DMD: variants seen among roughly 807,000 people sequenced by gnomAD.
DMD encodes the protein mutant dystrophin.
DMD carries 63 observed loss-of-function variants against 330.1 expected under a neutral mutation model. The observed-to-expected ratio is 0.19, with a 90% CI of 0.16 to 0.24. The LOEUF (loss-of-function observed/expected upper bound fraction) is 0.24, where lower values mean the gene tolerates loss of function less well. Ranked by LOEUF, DMD falls within the 10% of genes least tolerant of loss-of-function variation. DMD has a pLI of 1.00. For missense variants in DMD, 3,344 were observed against 2,684.1 expected, an observed-to-expected ratio of 1.25 and a Z score of -5.43; for synonymous variants, 1,223 against 959.8, an observed-to-expected ratio of 1.27 and a Z score of -5.07.
At chrX:33,106,923 A>G (rs898463612) in intron 1 of DMD, among the ~76,000 whole-genome samples, 1 of 112,372 alleles carries the variant, frequency 8.9e-6, no homozygotes, top group South Asian at 3.6e-4. Flanking sequence ...TTCCATTTAC[A>G]GAAGCAAGTG....
intron 2 of DMD, among the ~76,000 whole-genome samples, chrX:33,002,531 A>T (rs1476073510): frequency 9.1e-6 from 1 of 109,980 alleles, no homozygotes; most frequent in African/African-American, 3.3e-5. Flanking sequence ...GTTACATAGG[A>T]CACTCTCCTG....
chrX:33,153,099 A>C (rs2048353201), intron 1 of DMD, among the ~76,000 whole-genome samples: 2 of 112,823 alleles, frequency 1.8e-5, no homozygotes, highest in Non-Finnish European at 3.7e-5. Flanking sequence ...TTTATATTTC[A>C]GAGAAAAAAT....
At chrX:32,508,969 C>A (rs1017718499) in intron 18 of DMD, among the ~76,000 whole-genome samples, 2 of 109,481 alleles carry the variant, frequency 1.8e-5, no homozygotes, top group African/African-American at 6.7e-5. Flanking sequence ...CGCAACCATG[C>A]CCGGCTAATT....
intron 2 of DMD, among the ~76,000 whole-genome samples, chrX:32,916,672 A>T (rs1218199730): frequency 8.9e-6 from 1 of 111,858 alleles, no homozygotes; most frequent in Non-Finnish European, 1.9e-5. Context: ...ATAATTGGCT[A>T]AAGTTTAAAA....
At chrX:31,284,582 T>C (rs1348649181) in intron 62 of DMD, among the ~76,000 whole-genome samples, 1 of 95,955 alleles carries the variant, frequency 1.0e-5, no homozygotes, top group African/African-American at 4.1e-5. Context: ...CTTCTTCTTC[T>C]TCTTCTTCTT....
chrX:33,178,490 A>C (rs1375452939), intron 1 of DMD, among the ~76,000 whole-genome samples: 1 of 112,083 alleles, frequency 8.9e-6, no homozygotes, highest in Non-Finnish European at 1.9e-5. Context: ...GCCAAACCCA[A>C]TCCTACCTGA....
At chrX:32,945,101 G>A (rs929094853) in intron 2 of DMD, among the ~76,000 whole-genome samples, 2 of 110,048 alleles carry the variant, frequency 1.8e-5, no homozygotes, top group African/African-American at 6.6e-5. Context: ...TTAATTTGTA[G>A]TAAATTATAT....
At chrX:33,091,987 C>T (rs185215770) in intron 1 of DMD, among the ~76,000 whole-genome samples, 8 of 111,768 alleles carry the variant, frequency 7.2e-5, no homozygotes, top group African/African-American at 2.6e-4. Context: ...TATCATAATT[C>T]TTGACTACTT....
intron 1 of DMD, among the ~76,000 whole-genome samples, chrX:33,333,954 C>T (rs1243399352): frequency 9.0e-6 from 1 of 110,603 alleles, no homozygotes; most frequent in African/African-American, 3.3e-5. Context: ...GTCTATAAAC[C>T]CACGAAGAGA....
chrX:31,529,721 C>T (rs1011672953), intron 55 of DMD, among the ~76,000 whole-genome samples: 4 of 111,672 alleles, frequency 3.6e-5, no homozygotes, highest in African/African-American at 9.8e-5. Flanking sequence ...GCCCTCTCAC[C>T]GTGGGGAGTA....
Position 32,685,364 on chromosome X carries a change from T to C in DMD, c.960+12506A>G, listed in dbSNP as rs774697730. ...TGTTTCAGAAAGAGGACTACATATC[T>C]TAGGAAGCAGATAATTGCCACTGGA... On this transcript the variant is annotated intron_variant, in intron 9 of 78. Coordinates refer to ENST00000357033, the MANE Select transcript of DMD (RefSeq NM_004006.3). Among the ~76,000 whole-genome samples the C allele has an allele frequency of 3.6e-5, 4 of 111,885 alleles. No homozygotes were observed. In the Admixed American group the frequency reaches 3.8e-4, roughly 11 times the overall value.
Position 32,059,924 on chromosome X carries a change from A to C in DMD, c.6439-91410T>G, listed in dbSNP as rs1012079265. ...CAGTTGTACCCAAAAGTAGGATAAT[A>C]AAGATCTCTTGATTGTGTTAAATTA... On this transcript the variant is annotated intron_variant, in intron 44 of 78. Coordinates refer to ENST00000357033, the MANE Select transcript of DMD (RefSeq NM_004006.3). Among the ~76,000 whole-genome samples the C allele has an allele frequency of 2.7e-5, 3 of 111,699 alleles. No individual in the cohort carries two copies. In the Admixed American group the frequency reaches 2.9e-4, roughly 11 times the overall value.
chrX:32,165,827 G>T (rs2096866438), intron 44 of DMD, among the ~76,000 whole-genome samples: 1 of 110,956 alleles, frequency 9.0e-6, no homozygotes, highest in African/African-American at 3.3e-5. Flanking sequence ...CATGGGGTTG[G>T]CTTCCCCCAT....
intron 48 of DMD, among the ~76,000 whole-genome samples, chrX:31,837,693 G>A (rs1293607364): frequency 1.8e-5 from 2 of 111,134 alleles, no homozygotes; most frequent in Non-Finnish European, 1.9e-5. Context: ...CCCCTACCCC[G>A]GAGCCTCCCA....
At chrX:32,787,356 A>G (rs1320382884) in intron 7 of DMD, among the ~76,000 whole-genome samples, 2 of 109,950 alleles carry the variant, frequency 1.8e-5, no homozygotes, top group African/African-American at 6.6e-5. Flanking sequence ...GAGCTCAAGG[A>G]TATCAAAGAT....
intron 60 of DMD, among the ~76,000 whole-genome samples, chrX:31,415,281 A>G (rs995462132): frequency 1.8e-5 from 2 of 112,615 alleles, no homozygotes; most frequent in African/African-American, 6.4e-5. Context: ...GACTTCTCTT[A>G]TTTCCTTTCT....
chrX:33,229,110 C>G (rs1358238236), intron 1 of DMD, among the ~76,000 whole-genome samples: 1 of 110,550 alleles, frequency 9.0e-6, no homozygotes, highest in Non-Finnish European at 1.9e-5. Flanking sequence ...CGTATATAGT[C>G]CCTGTTTTTG....
chrX:32,336,268 G>A lies in DMD; in HGVS notation c.5922+5832C>T, dbSNP rs1477110563. Among the ~76,000 whole-genome samples, 9 of 110,455 alleles carry A rather than the reference G, an allele frequency of 8.1e-5. No homozygotes were observed. In the East Asian group the frequency reaches 2.3e-3, roughly 28 times the overall value. The stretch of plus-strand genomic sequence containing the variant: ...CCTCCTCAAGTGATCCGCCCACCTC[G>A]GCCTCACAAAGAGCTGGGATTACAG... On this transcript the variant is annotated intron_variant, in intron 41 of 78. Transcript: ENST00000357033.
chrX:33,295,841 C>T (rs187313994), intron 1 of DMD, among the ~76,000 whole-genome samples: 5 of 111,385 alleles, frequency 4.5e-5, no homozygotes, highest in African/African-American at 1.6e-4. Flanking sequence ...CTAGATAAAA[C>T]AGTGAGTGAC....
Sources: gnomAD v4.1 joint callset for allele counts (sites outside exome capture counted in the v4.1 genomes callset) on GRCh38, gnomAD v4.1.1 for gene constraint, MANE v1.5 for transcripts, NCBI Gene and HGNC (gene_info 2026-07-23, HGNC 2026-07-21) for gene names.